The following DUS3L variants were observed in gnomAD, a reference collection of about 807,000 sequenced individuals.
DUS3L encodes the protein dihydrouridine synthase 3 like, also known as tRNA-dihydrouridine(47) synthase [NAD(P)(+)]-like.
Under a neutral mutation model 74.6 loss-of-function variants are expected in DUS3L, and 62 were observed. That is an observed-to-expected ratio of 0.83 (90% confidence interval 0.68 to 1.03). The LOEUF (loss-of-function observed/expected upper bound fraction) is 1.03. Ranked by LOEUF, DUS3L falls within the 50% of genes least tolerant of loss-of-function variation. The pLI, the probability that DUS3L is intolerant of heterozygous loss-of-function variation, is 0.00. For synonymous variants in DUS3L, 433 were observed against 395.7 expected (o/e 1.09, Z -1.12); for missense variants, 884 against 924.4 (o/e 0.96, Z 0.57).
chr19:5,790,677 G>A (rs1440500431), intron 1 of DUS3L: 6 of 532,656 alleles, frequency 1.1e-5, no homozygotes, highest in South Asian at 8.7e-5. Flanking sequence ...TTCAAACACC[G>A]CAGGCCCCAG....
At position 5,791,082 on chromosome 19, in the gene DUS3L, G is replaced by A; in HGVS notation, c.60C>T (p.Ala20=). The change falls in exon 1 of 13, where the codon GCC becomes GCT. Residue 20 remains alanine, a synonymous_variant. Transcript: ENST00000309061. The stretch of plus-strand genomic sequence containing the variant: ...GCGCCACTCCTCGTTCCAAAGCTCC[G>A]GCTCCCGAGTCGCCACCACCACCAT... ...LENGGGGDSG[A]GALERGVAPI... The A allele has an allele frequency of 2.5e-6, 4 of 1,608,274 alleles. No individual in the cohort carries two copies. The highest frequency in any genetic ancestry group is 3.4e-6 in the Non-Finnish European group (4 of 1,177,876).
In DUS3L at chr19:5,790,061, G is replaced by A. The variant is rs765550825; in HGVS notation, c.373C>T (p.Pro125Ser). Residue 125 changes from proline (P) to serine (S), a missense_variant, in exon 2 of 13, where the codon CCC becomes TCC. Pro to Ser is a moderately conservative substitution (Grantham distance 74). Coordinates refer to ENST00000309061, the MANE Select transcript of DUS3L (RefSeq NM_020175.3). ...PTNYDKNRLCPSLIQESAAKC... is the reference protein window; with the variant it reads ...PTNYDKNRLCSSLIQESAAKC... ...GCCGCACTTGCCTGGATTAGGGAGGGACACAGCCTGTTCTTGTCGTAGTTC... is the reference window on the plus strand; with the variant it reads ...GCCGCACTTGCCTGGATTAGGGAGGAACACAGCCTGTTCTTGTCGTAGTTC... 2 of 1,613,952 alleles carry A rather than the reference G, an allele frequency of 1.2e-6. No individual in the cohort carries two copies. Among genetic ancestry groups the A allele is most frequent in the Non-Finnish European group, 1.7e-6 (2 of 1,179,964 alleles).
rs764356755 is a variant in DUS3L, at chr19:5,787,571, C to T, written c.1212+18G>A. 3 of 1,611,360 alleles carry T rather than the reference C, an allele frequency of 1.9e-6. No individual in the cohort carries two copies. The African/African-American group carries it at 4.0e-5, about 22-fold the overall frequency. On this transcript the variant is annotated intron_variant, in intron 6 of 12. Coordinates refer to ENST00000309061, the MANE Select transcript of DUS3L (RefSeq NM_020175.3). ...CTGCCCAGATGGGGAAACCGAGGCA[C>T]ACGTCCAGGGCCGCTACCTTCTTGT...
intron 10 of DUS3L, chr19:5,786,082 G>C: frequency 2.1e-6 from 1 of 487,336 alleles, no homozygotes; most frequent in Non-Finnish European, 3.6e-6. Context: ...CTCCCTAGTA[G>C]TTGGGATTAC....
chr19:5,790,981 C>T (rs2056904753), intron 1 of DUS3L, 63 bp downstream of exon 1: 2 of 1,497,328 alleles, frequency 1.3e-6, no homozygotes, highest in African/African-American at 1.4e-5. Flanking sequence ...GCATGCACAG[C>T]TCGGACCGCG....
At chr19:5,789,141 A>G in intron 3 of DUS3L, 66 bp downstream of exon 3, 1 of 1,493,164 alleles carries the variant, frequency 6.7e-7, no homozygotes, top group South Asian at 1.4e-5. Flanking sequence ...ACGTGGACAC[A>G]GCTGGTATTT....
Position 5,785,711 on chromosome 19 carries a change from T to C in DUS3L, c.1643A>G (p.Asp548Gly), listed in dbSNP as rs1412535871. ...GTAGTTGGTGAAGTCCCGCAGGATGTCCAGGCGCTCGGACGACGAGATGTC... is the reference window on the plus strand; with the variant it reads ...GTAGTTGGTGAAGTCCCGCAGGATGCCCAGGCGCTCGGACGACGAGATGTC... ...HWDISSSERL[D>G]ILRDFTNYGL... The change falls in exon 11 of 13, where the codon GAC (aspartate) becomes GGC (glycine). Residue 548 changes from aspartate to glycine, a missense_variant. Transcript: ENST00000309061. The C allele has an allele frequency of 6.2e-7, 1 of 1,612,200 alleles. No individual in the cohort carries two copies. The highest frequency in any genetic ancestry group is 8.5e-7 in the Non-Finnish European group (1 of 1,179,810).
At chr19:5,790,736 G>T in intron 1 of DUS3L, 1 of 554,116 alleles carries the variant, frequency 1.8e-6, no homozygotes, top group South Asian at 2.1e-5. Context: ...AGTAACGGCC[G>T]CTGGCAGAGC....
chr19:5,787,244 A>ACTCGGAGACGGT (rs2056861959), intron 7 of DUS3L, 52 bp downstream of exon 7: 2 of 275,540 alleles, frequency 7.3e-6, no homozygotes, highest in Non-Finnish European at 1.0e-5. Context: ...GGTGGGAGAC[A>ACTCGGAGACGGT]GGGCCCGGGG....
At chr19:5,786,096 C>T (rs2056838945) in intron 10 of DUS3L, 2 of 481,760 alleles carry the variant, frequency 4.2e-6, no homozygotes, top group African/African-American at 2.0e-5. Flanking sequence ...GGATTACAGG[C>T]GTGTACCACT....
chr19:5,787,251 G>C (rs753378246), intron 7 of DUS3L, 45 bp downstream of exon 7: 4 of 1,232,508 alleles, frequency 3.2e-6, no homozygotes, highest in South Asian at 2.5e-5. Context: ...GACAGGGCCC[G>C]GGGGAGTTGT....
At position 5,789,463 on chromosome 19, in the gene DUS3L, T is replaced by G. The variant is rs760544411; in HGVS notation, c.644A>C (p.Gln215Pro). ...SIRNGLDKAL[Q>P]QQLRKREVRF... ...GACCTCGCGCTTCCGCAGCTGCTGC[T>G]GCAGGGCTTTGTCCAGGCCGTTGCG... is the stretch of plus-strand genomic sequence containing the variant. The change falls in exon 3 of 13, where the codon CAG becomes CCG. Residue 215 changes from glutamine to proline, a missense_variant. Physicochemically the swap from Gln to Pro is moderately conservative, Grantham distance 76 (BLOSUM62 -1). Transcript: ENST00000309061. 6.2e-7 allele frequency: 1 copy of G among 1,602,762 alleles called. No homozygotes were observed. Among genetic ancestry groups the G allele is most frequent in the Non-Finnish European group, 8.5e-7 (1 of 1,178,880 alleles).
rs2056863067 is a variant in DUS3L, at chr19:5,787,297, T to C, written c.1277A>G (p.Gln426Arg). 9.7e-7 allele frequency: 1 copy of C among 1,027,198 alleles called. No homozygotes were observed. Among genetic ancestry groups the C allele is most frequent in the African/African-American group, 4.7e-5 (1 of 21,314 alleles). 63.6% of individuals were successfully genotyped at this position (1,027,198 alleles called of 1,614,324 possible). The change falls in exon 7 of 13, where the codon CAG (glutamine) becomes CGG (arginine). Residue 426 changes from glutamine to arginine, a missense_variant and splice_region_variant. Gln to Arg is a conservative substitution (Grantham distance 43). Coordinates refer to ENST00000309061, the MANE Select transcript of DUS3L (RefSeq NM_020175.3). Reference protein sequence around the residue: ...KFQQIVRGMNQVLDVPLTVKI... With the variant: ...KFQQIVRGMNRVLDVPLTVKI... ...GTGCGAGGATGTGGCTGGCCGTACC[T>C]GGTTCATGCCACGGACGATCTGCTG...
intron 1 of DUS3L, 128 bp downstream of exon 1, chr19:5,790,916 G>A: frequency 2.2e-6 from 2 of 913,436 alleles, no homozygotes; most frequent in East Asian, 5.3e-5. Flanking sequence ...GCGGAAGAAC[G>A]GCCCGGAATG....
chr19:5,789,140 C>G (rs2056883302), intron 3 of DUS3L, 67 bp downstream of exon 3: 2 of 1,493,380 alleles, frequency 1.3e-6, no homozygotes, highest in Admixed American at 4.9e-5. Context: ...AACGTGGACA[C>G]AGCTGGTATT....
intron 2 of DUS3L, 136 bp downstream of exon 2, chr19:5,789,911 T>C (rs1599623270): frequency 7.4e-7 from 1 of 1,345,428 alleles, no homozygotes; most frequent in Non-Finnish European, 1.0e-6. Flanking sequence ...CCGAGGAGAA[T>C]GAAGACGGAA....
intron 1 of DUS3L, chr19:5,790,702 C>T: frequency 1.8e-6 from 1 of 543,160 alleles, no homozygotes; most frequent in Non-Finnish European, 3.3e-6. Flanking sequence ...CCCCGCGGCA[C>T]TCGCTTCAAC....
intron 8 of DUS3L, 71 bp downstream of exon 8, chr19:5,786,990 G>A (rs996041107): frequency 1.4e-4 from 202 of 1,489,660 alleles, no homozygotes; most frequent in Middle Eastern, 2.1e-4. Context: ...GGGATGGGAG[G>A]AGAGGAGCCA....
chr19:5,789,792 T>C (rs970337545), intron 2 of DUS3L, 73 bp from the exon 3 acceptor site: 5 of 1,530,868 alleles, frequency 3.3e-6, no homozygotes, highest in African/African-American at 2.8e-5. Context: ...GGGTTCAAAC[T>C]CTAGATCACC....
Sources: allele counts gnomAD v4.1 joint callset, GRCh38; gene constraint gnomAD v4.1.1; transcripts MANE v1.5; gene names NCBI Gene and HGNC (gene_info 2026-07-23, HGNC 2026-07-21).